TCHP: variants seen among roughly 807,000 people sequenced by gnomAD.
The protein encoded by TCHP is trichoplein keratin filament binding, also known as trichoplein keratin filament-binding protein.
Under a neutral mutation model 88.7 loss-of-function variants are expected in TCHP, and 81 were observed. The ratio of observed to expected loss-of-function variants is 0.91; its 90% CI spans 0.76 to 1.10. The LOEUF is 1.10. Ranked by LOEUF, TCHP falls within the 50% of genes least tolerant of loss-of-function variation. The probability of loss-of-function intolerance (pLI) is 0.00; values close to 1 mark genes in which losing one functional copy is unlikely to be tolerated. For missense variants in TCHP, 641 were observed against 632.1 expected (o/e 1.01, Z -0.15); for synonymous variants, 232 against 232.5 (o/e 1.00, Z 0.02).
rs771550704 is a variant in TCHP at position 109,916,644 on chromosome 12, CAG to C, written c.*25_*26del. 16 of 1,612,056 alleles carry C rather than the reference CAG, an allele frequency of 9.9e-6. No individual in the cohort carries two copies. The South Asian group carries it at 1.5e-4, about 16-fold the overall frequency. On this transcript the variant is annotated 3_prime_UTR_variant, in exon 13 of 13. Transcript: ENST00000405876. ...ACTGACTTCATGGGTACCATAAGTACAGAGAACAAGGGATGCTGAGGCTTCTG... is the reference window on the plus strand; with the variant it reads ...ACTGACTTCATGGGTACCATAAGTACAGAACAAGGGATGCTGAGGCTTCTG...
intron 5 of TCHP, 140 bp from the exon 6 acceptor site, chr12:109,907,386 C>T (rs1384738109): frequency 2.4e-6 from 2 of 821,000 alleles, no homozygotes; most frequent in African/African-American, 3.4e-5. Flanking sequence ...CCCTCCCTGA[C>T]TTGGCGTCTG....
the TCHP span, among the ~76,000 whole-genome samples, chr12:109,886,187 G>T: frequency 6.6e-6 from 1 of 152,196 alleles, no homozygotes; most frequent in African/African-American, 2.4e-5. Context: ...GCCCAGGCTG[G>T]AGTGCAATGG....
chr12:109,895,106 C>A, the TCHP span, among the ~76,000 whole-genome samples: 1 of 151,688 alleles, frequency 6.6e-6, no homozygotes, highest in Non-Finnish European at 1.5e-5. Flanking sequence ...ATGAGAAAGT[C>A]TAAAATATTC....
chr12:109,900,943 G>C (rs1021195888), intron 1 of TCHP: 1 of 152,308 alleles, frequency 6.6e-6, no homozygotes, highest in African/African-American at 2.4e-5. Context: ...TTTTGGGTCA[G>C]GGGAATTGGT....
rs996838719 is a variant in TCHP, at chr12:109,903,800, G to T, written c.189-137G>T. 1.4e-6 allele frequency: 1 copy of T among 693,798 alleles called. No individual in the cohort carries two copies. Among genetic ancestry groups the T allele is most frequent in the Non-Finnish European group, 2.5e-6 (1 of 397,152 alleles). 43.0% of individuals were successfully genotyped at this position (693,798 alleles called of 1,614,324 possible). A position where few individuals can be genotyped will look rare whatever the true frequency, so the allele number is the denominator to read the frequency against. The stretch of plus-strand genomic sequence containing the variant: ...TACACATACTATTCTGTGACCTGCT[G>T]TCTCTGCTTTGGCTGGGGACACATT... On this transcript the variant is annotated intron_variant, in intron 2 of 12. Transcript: ENST00000405876. The surrounding 1 kb of genome is among the most constrained non-coding windows in gnomAD (Gnocchi z 4.6).
intron 12 of TCHP, 111 bp from the exon 13 acceptor site, chr12:109,916,480 A>G (rs926268731): frequency 3.4e-6 from 4 of 1,194,026 alleles, no homozygotes; most frequent in Non-Finnish European, 4.7e-6. Context: ...TCAGCTGGAA[A>G]TGAAACAGCC....
chr12:109,889,478 A>C, the TCHP span, among the ~76,000 whole-genome samples: 1 of 151,952 alleles, frequency 6.6e-6, no homozygotes, highest in Non-Finnish European at 1.5e-5. Flanking sequence ...AAAAAAAAAG[A>C]CGACTCTGGA....
Position 109,917,397 on chromosome 12 carries a change from G to C in TCHP, c.*774G>C, listed in dbSNP as rs1201435348. On this transcript the variant is annotated 3_prime_UTR_variant, in exon 13 of 13. Transcript: ENST00000405876. ...GGAGGCTGCGGCAAGAGGATTGCTTGAGCCCAGGAGTTCGAGTCCAACCTG... is the reference window on the plus strand; with the variant it reads ...GGAGGCTGCGGCAAGAGGATTGCTTCAGCCCAGGAGTTCGAGTCCAACCTG... The C allele has an allele frequency of 6.6e-6, 1 of 152,222 alleles. No individual in the cohort carries two copies. The highest frequency in any genetic ancestry group is 1.5e-5 in the Non-Finnish European group (1 of 68,048). 9.4% of individuals were successfully genotyped at this position (152,222 alleles called of 1,614,324 possible). A position where few individuals can be genotyped will look rare whatever the true frequency, so the allele number is the denominator to read the frequency against.
rs1011059768 is a variant in TCHP at position 109,905,638 on chromosome 12, A to G, written c.456+845A>G. On this transcript the variant is annotated intron_variant, in intron 4 of 12. Transcript: ENST00000405876. This position sits in a 1 kb window ranked among gnomAD's most constrained non-coding sequence, Gnocchi z 4.0. ...TGTTATTCATTTATTTTCAACTTAC[A>G]GTTTTTGTATACATTTGGTGCCTTC... Among the ~76,000 whole-genome samples the G allele has an allele frequency of 6.6e-6, 1 of 152,120 alleles. No homozygotes were observed. Among genetic ancestry groups the G allele is most frequent in the Non-Finnish European group, 1.5e-5 (1 of 68,030 alleles).
intron 11 of TCHP, 114 bp downstream of exon 11, chr12:109,914,741 C>T (rs979711838): frequency 1.1e-5 from 9 of 811,360 alleles, no homozygotes; most frequent in Middle Eastern, 3.7e-4. Context: ...CGTTTGAGAG[C>T]ACGGTGCTCC....
upstream of TCHP, among the ~76,000 whole-genome samples, chr12:109,895,551 G>C (rs1047075483): frequency 3.3e-5 from 5 of 152,036 alleles, no homozygotes; most frequent in African/African-American, 1.2e-4. Context: ...CAAAGCTGGG[G>C]CTCTGAGAAG....
chr12:109,908,543 C>G, intron 6 of TCHP, 43 bp from the exon 7 acceptor site: 2 of 1,478,126 alleles, frequency 1.4e-6, no homozygotes, highest in Admixed American at 2.0e-5. Context: ...CTGATTCCCA[C>G]GATCTCAGAT....
intron 8 of TCHP, among the ~76,000 whole-genome samples, chr12:109,909,522 A>C (rs997017085): frequency 2.0e-5 from 3 of 152,212 alleles, no homozygotes; most frequent in African/African-American, 7.2e-5. Context: ...TAAATCTCTT[A>C]ATTTTTAAAA....
the TCHP span, among the ~76,000 whole-genome samples, chr12:109,894,709 G>A: frequency 7.0e-6 from 1 of 143,262 alleles, no homozygotes; most frequent in Non-Finnish European, 1.5e-5. Flanking sequence ...AGGTTGCAGT[G>A]AGCCAAGATC....
the TCHP span, among the ~76,000 whole-genome samples, chr12:109,890,272 C>A: frequency 6.7e-6 from 1 of 148,862 alleles, no homozygotes; most frequent in African/African-American, 2.5e-5. Flanking sequence ...ATGAACCAAC[C>A]TGTGCAACAC....
intron 10 of TCHP, among the ~76,000 whole-genome samples, chr12:109,913,811 T>C (rs1479256986): frequency 6.6e-6 from 1 of 152,236 alleles, no homozygotes; most frequent in East Asian, 1.9e-4. Context: ...TGGTGATGTT[T>C]TGCTCTTGTA....
chr12:109,897,177 T>C (rs1168615515), upstream of TCHP, among the ~76,000 whole-genome samples: 1 of 152,144 alleles, frequency 6.6e-6, no homozygotes, highest in Non-Finnish European at 1.5e-5. Flanking sequence ...CAATAAGATA[T>C]CTCATAGAAT....
upstream of TCHP, among the ~76,000 whole-genome samples, chr12:109,899,148 A>G (rs1869648071): frequency 6.6e-6 from 1 of 152,250 alleles, no homozygotes; most frequent in Non-Finnish European, 1.5e-5. Context: ...CAGGAAAAAC[A>G]GAGATGAATA....
At chr12:109,892,244 G>A in the TCHP span, among the ~76,000 whole-genome samples, 2 of 152,160 alleles carry the variant, frequency 1.3e-5, no homozygotes, top group Admixed American at 1.3e-4. Context: ...AATACAGTAT[G>A]TCCTGACACC....
Sources: gnomAD v4.1 joint callset for allele counts (sites outside exome capture counted in the v4.1 genomes callset) on GRCh38, gnomAD v4.1.1 for gene constraint, Gnocchi (gnomAD v3.1) non-coding constraint, MANE v1.5 for transcripts, NCBI Gene and HGNC (gene_info 2026-07-23, HGNC 2026-07-21) for gene names.